Variants in DFFB observed in about 807,000 individuals in gnomAD.
DFFB encodes DNA fragmentation factor subunit beta.
In DFFB, 29 loss-of-function variants were observed where a neutral mutation model predicts 32.7. That is an observed-to-expected ratio of 0.89 (90% confidence interval 0.66 to 1.21). The LOEUF is 1.21. Among genes scored for constraint, DFFB ranks in the 50% most tolerant of loss-of-function variants. The pLI is 0.00. For synonymous variants in DFFB, 170 were observed against 177.1 expected, an observed-to-expected ratio of 0.96 and a Z score of 0.32; for missense variants, 398 against 440.6, an observed-to-expected ratio of 0.90 and a Z score of 0.87.
chr1:3,874,331 T>C (rs377015250), intron 6 of DFFB, among the ~76,000 whole-genome samples: 21 of 41,650 alleles, frequency 5.0e-4, no homozygotes, highest in Middle Eastern at 0.022. Flanking sequence ...ACATACGTGG[T>C]GGCCCACGCT....
At chr1:3,877,292 C>T (rs1288512756) in intron 6 of DFFB, among the ~76,000 whole-genome samples, 1 of 150,882 alleles carries the variant, frequency 6.6e-6, no homozygotes, top group Admixed American at 6.6e-5. Flanking sequence ...TAAGGTAGTT[C>T]CTCCTAGGCT....
At position 3,865,508 on chromosome 1, in the gene DFFB, G is replaced by T. The variant is rs528386902; in HGVS notation, c.242-304G>T. 9.2e-5 allele frequency: 49 copies of T among 530,940 alleles called. No individual in the cohort carries two copies. The East Asian group carries it at 1.5e-3, about 16-fold the overall frequency. 32.9% of individuals were successfully genotyped at this position (530,940 alleles called of 1,614,324 possible). ...CAAGGTCTCCAGGAAGGGCCAAAGT[G>T]GGGGGCGTATGGTTTGGAGGGGAGG... On this transcript the variant is annotated intron_variant, in intron 2 of 6. Coordinates refer to ENST00000378209, the MANE Select transcript of DFFB (RefSeq NM_004402.4). This position sits in a 1 kb window ranked among gnomAD's most constrained non-coding sequence, Gnocchi z 4.7.
chr1:3,867,908 A>C, intron 3 of DFFB, 66 bp from the exon 4 acceptor site: 3 of 1,457,108 alleles, frequency 2.1e-6, no homozygotes, highest in Non-Finnish European at 2.9e-6. Context: ...TGGGCTGGGC[A>C]GGACACAGAC....
rs1644953679 is a variant in DFFB, at chr1:3,865,252, T to G, written c.242-560T>G. ...TGATCGTGAGGCTTTTCTCATATGGTGGATCGCACTGATCGATTTGCAGGT... is the reference window on the plus strand; with the variant it reads ...TGATCGTGAGGCTTTTCTCATATGGGGGATCGCACTGATCGATTTGCAGGT... On this transcript the variant is annotated intron_variant, in intron 2 of 6. Transcript: ENST00000378209. The surrounding 1 kb of genome is among the most constrained non-coding windows in gnomAD (Gnocchi z 4.7). Among the ~76,000 whole-genome samples the G allele has an allele frequency of 6.6e-6, 1 of 152,322 alleles. No homozygotes were observed. Among genetic ancestry groups the G allele is most frequent in the South Asian group, 2.1e-4 (1 of 4,832 alleles).
At chr1:3,868,630 CCACACCACACCAA>C (rs1645035542) in intron 4 of DFFB, among the ~76,000 whole-genome samples, 1 of 151,902 alleles carries the variant, frequency 6.6e-6, no homozygotes, top group East Asian at 1.9e-4. Flanking sequence ...CCACACCAGG[CCACACCACACCAA>C]GCCACACCAC....
intron 2 of DFFB, among the ~76,000 whole-genome samples, chr1:3,864,086 C>T (rs1644928891): frequency 6.6e-6 from 1 of 152,086 alleles, no homozygotes; most frequent in Admixed American, 6.6e-5. Context: ...CTTGCCTCAG[C>T]CTCCCGAGTA....
chr1:3,857,657 G>A lies in DFFB; in HGVS notation c.54G>A (p.Lys18=), dbSNP rs762567083. 1.3e-6 allele frequency: 2 copies of A among 1,599,728 alleles called. No homozygotes were observed. The highest frequency in any genetic ancestry group is 1.3e-5 in the African/African-American group (1 of 74,320). ...VKLRALRSPR[K]FGVAGRSCQE... ...TGCGGGCCCTGCGCAGCCCGAGGAA[G>A]TTCGGCGTGGCTGGCCGGAGCTGCC... Residue 18 remains lysine, a synonymous_variant, in exon 1 of 7, where the codon AAG becomes AAA. Coordinates refer to ENST00000378209, the MANE Select transcript of DFFB (RefSeq NM_004402.4).
At position 3,883,678 on chromosome 1, in the gene DFFB, A is replaced by G. The variant is rs3205087; in HGVS notation, c.954A>G (p.Pro318=). 0.43 allele frequency: 695,109 copies of G among 1,613,834 alleles called. 152,013 individuals carry two copies. The highest frequency in any genetic ancestry group is 0.46 in the Non-Finnish European group (537,532 of 1,179,956). Residue 318 remains proline, a synonymous_variant, in exon 7 of 7, where the codon CCA becomes CCG. Coordinates refer to ENST00000378209, the MANE Select transcript of DFFB (RefSeq NM_004402.4). ...CCACCCACAAGCTCAACTGTGACCC[A>G]AGCAGAATCTACAAACCCCAGACAA... ...KKTTHKLNCD[P]SRIYKPQTRL... is the part of the protein sequence containing the mutation.
At chr1:3,869,387 C>G (rs988995604) in intron 4 of DFFB, among the ~76,000 whole-genome samples, 7 of 152,224 alleles carry the variant, frequency 4.6e-5, no homozygotes, top group Admixed American at 1.3e-4. Flanking sequence ...TCTCACCCAG[C>G]CTGGGGGCTG....
intron 2 of DFFB, among the ~76,000 whole-genome samples, chr1:3,859,988 GTCTCTC>G (rs909159573): frequency 2.6e-5 from 4 of 150,980 alleles, no homozygotes; most frequent in African/African-American, 7.3e-5. Context: ...GTCTGTCTCT[GTCTCTC>G]TCTCTCTCTG....
chr1:3,868,238 G>T (rs945360012), intron 4 of DFFB, among the ~76,000 whole-genome samples, 185 bp downstream of exon 4: 2 of 152,148 alleles, frequency 1.3e-5, no homozygotes, highest in African/African-American at 4.8e-5. Context: ...CCCTTCATGG[G>T]GGTGAACACC....
chr1:3,861,313 G>T (rs1210763874), intron 2 of DFFB, among the ~76,000 whole-genome samples: 1 of 152,052 alleles, frequency 6.6e-6, no homozygotes, highest in Non-Finnish European at 1.5e-5. Flanking sequence ...TCCATGGTTT[G>T]GTTTTACCAC....
Position 3,872,521 on chromosome 1 carries a change from A to G in DFFB, c.731A>G (p.Tyr244Cys), listed in dbSNP as rs1442754370. 6.8e-6 allele frequency: 11 copies of G among 1,613,884 alleles called. No homozygotes were observed. In the African/African-American group the frequency reaches 1.1e-4, roughly 16 times the overall value. The change falls in exon 6 of 7, where the codon TAC becomes TGC. Residue 244 changes from tyrosine to cysteine, a missense_variant. Transcript: ENST00000378209. ...SCLSRHSINP[Y>C]SNRESRILFS... ...TTATCAAGACACTCCATCAACCCCT[A>G]CAGTAACAGGGAGAGCAGGATCCTC...
At chr1:3,866,855 C>A (rs968790372) in intron 3 of DFFB, among the ~76,000 whole-genome samples, 1 of 152,190 alleles carries the variant, frequency 6.6e-6, no homozygotes, top group Non-Finnish European at 1.5e-5. Context: ...TTGCACTCAG[C>A]ACAGTGTCCT....
At chr1:3,873,801 TG>T (rs981927432) in intron 6 of DFFB, among the ~76,000 whole-genome samples, 71 of 152,270 alleles carry the variant, frequency 4.7e-4, no homozygotes, top group African/African-American at 1.7e-3. Context: ...TTTTTAAGGA[TG>T]CTCAGCTAGT....
At chr1:3,869,902 C>T (rs1445191654) in intron 5 of DFFB, 127 bp downstream of exon 5, 3 of 980,942 alleles carry the variant, frequency 3.1e-6, no homozygotes, top group Middle Eastern at 3.2e-4. Flanking sequence ...AGAGGTACAG[C>T]CCTCACATTC....
chr1:3,868,673 C>G (rs140034039), intron 4 of DFFB, among the ~76,000 whole-genome samples: 1,988 of 7,966 alleles, frequency 0.25, 42 homozygotes, highest in East Asian at 0.36. Context: ...CACCACACCA[C>G]ACCACGCCAC....
chr1:3,883,729 G>C lies in DFFB; in HGVS notation c.1005G>C (p.Arg335=). 6.2e-7 allele frequency: 1 copy of C among 1,614,120 alleles called. No individual in the cohort carries two copies. The highest frequency in any genetic ancestry group is 1.1e-5 in the South Asian group (1 of 91,086). The stretch of plus-strand genomic sequence containing the variant: ...GGTTGAAGCGGAAGCAGCCTGTGCG[G>C]AAACGCCAGTGACACGTACACACCA... ...QTRLKRKQPV[R]KRQ Residue 335 remains arginine (R), a synonymous_variant, in exon 7 of 7, where the codon CGG becomes CGC. Transcript: ENST00000378209.
Position 3,875,792 on chromosome 1 carries a change from T to C in DFFB, c.782+3220T>C, listed in dbSNP as rs112713149. Among the ~76,000 whole-genome samples the C allele has an allele frequency of 4.1e-3, 618 of 152,336 alleles. 2 individuals are homozygous for C. The highest frequency in any genetic ancestry group is 0.014 in the African/African-American group (589 of 41,566). On this transcript the variant is annotated intron_variant, in intron 6 of 6. Coordinates refer to ENST00000378209, the MANE Select transcript of DFFB (RefSeq NM_004402.4). ...TATCACAAGTTTTATTTATTTATTT[T>C]TTGAGATGGAGTCTCACTCTGTCGC... is the stretch of plus-strand genomic sequence containing the variant.
Sources: gnomAD v4.1 joint callset for allele counts (sites outside exome capture counted in the v4.1 genomes callset) on GRCh38, gnomAD v4.1.1 for gene constraint, Gnocchi (gnomAD v3.1) non-coding constraint, MANE v1.5 for transcripts, NCBI Gene and HGNC (gene_info 2026-07-23, HGNC 2026-07-21) for gene names.